Variants in APOL3 observed in about 807,000 individuals in gnomAD.
APOL3 encodes TNF-inducible protein CG12-1.
APOL3 carries 14 observed loss-of-function variants against 11.6 expected under a neutral mutation model. That is an observed-to-expected ratio of 1.21 (90% CI 0.80 to 1.89). APOL3 has a LOEUF of 1.89. Ranked by LOEUF, APOL3 falls within the 40% of genes most tolerant of loss-of-function variation. APOL3 has a pLI of 0.00. For synonymous variants in APOL3, 192 were observed against 190.6 expected, an observed-to-expected ratio of 1.01 and a Z score of -0.06; for missense variants, 483 against 492.1, an observed-to-expected ratio of 0.98 and a Z score of 0.17.
intron 1 of APOL3, among the ~76,000 whole-genome samples, chr22:36,158,810 C>G (rs2013324249): frequency 6.6e-6 from 1 of 151,938 alleles, no homozygotes; most frequent in Non-Finnish European, 1.5e-5. Context: ...GAGCAAGACT[C>G]CGTCAGAAAA....
chr22:36,158,162 T>C, intron 1 of APOL3, among the ~76,000 whole-genome samples: 1 of 152,172 alleles, frequency 6.6e-6, no homozygotes, highest in East Asian at 1.9e-4. Context: ...TTTTGAACCA[T>C]ATATGTAAGT....
In APOL3 at chr22:36,143,837, A is replaced by G. The variant is rs142211472; in HGVS notation, c.350+1636T>C. Among the ~76,000 whole-genome samples the G allele has an allele frequency of 2.4e-3, 365 of 152,330 alleles. 4 individuals carry two copies. The highest frequency in any genetic ancestry group is 5.6e-3 in the Admixed American group (85 of 15,308). On this transcript the variant is annotated intron_variant, in intron 2 of 2. Transcript: ENST00000349314. ...CATGTGCAATTTCATGGAACCTCTT[A>G]TGGACTCATGAGACTTTGAAAATCA...
chr22:36,148,663 G>A (rs141057352), intron 1 of APOL3, among the ~76,000 whole-genome samples: 93 of 152,278 alleles, frequency 6.1e-4, no homozygotes, highest in African/African-American at 2.0e-3. Context: ...GGAGCAGAGC[G>A]GGAGGTCAGA....
intron 1 of APOL3, among the ~76,000 whole-genome samples, 178 bp from the exon 3 acceptor site, chr22:36,145,777 C>T (rs132628): frequency 0.34 from 52,288 of 151,740 alleles, 10,175 homozygotes; most frequent in East Asian, 0.84. Context: ...TACTGAGACC[C>T]TAAACCCCAG....
intron 1 of APOL3, among the ~76,000 whole-genome samples, chr22:36,151,273 G>T (rs1337335882): frequency 6.6e-6 from 1 of 152,118 alleles, no homozygotes; most frequent in East Asian, 1.9e-4. Context: ...AATATGAATA[G>T]ATCTAGGATC....
At chr22:36,150,686 T>G (rs2060399426) in intron 1 of APOL3, among the ~76,000 whole-genome samples, 1 of 152,028 alleles carries the variant, frequency 6.6e-6, no homozygotes, top group Admixed American at 6.6e-5. Flanking sequence ...CTGGCCAACA[T>G]AGTGAAACCC....
chr22:36,161,716 GGCGGAT>G (rs2013705323), upstream of APOL3, among the ~76,000 whole-genome samples: 1 of 152,158 alleles, frequency 6.6e-6, no homozygotes, highest in Non-Finnish European at 1.5e-5. Flanking sequence ...CAAAGTGGGG[GGCGGAT>G]GTGGGAGTAA....
At chr22:36,160,919 A>C (rs1603476037) in exon 1 of APOL3, 4 of 1,598,774 alleles carry the variant, frequency 2.5e-6, no homozygotes, top group East Asian at 2.3e-5. Flanking sequence ...CCTTGGTCCC[A>C]CCCTCCTGCT....
Position 36,157,147 on chromosome 22 carries a change from A to T in APOL3, c.223+3522T>A. ...TTTGTACGAGGAGAAAGAAAAAAGA[A>T]ATTTCTAAAAACACGCGAGCCAGCT... On this transcript the variant is annotated intron_variant, in intron 1 of 2. Coordinates refer to ENST00000349314, the Ensembl canonical transcript of APOL3. 9.8e-6 allele frequency: 4 copies of T among 406,160 alleles called. No individual in the cohort carries two copies. In the East Asian group the frequency reaches 2.9e-4, roughly 29 times the overall value. 25.2% of individuals were successfully genotyped at this position (406,160 alleles called of 1,614,324 possible).
upstream of APOL3, among the ~76,000 whole-genome samples, chr22:36,162,071 G>A (rs1268503264): frequency 6.6e-6 from 1 of 152,186 alleles, no homozygotes; most frequent in Non-Finnish European, 1.5e-5. Context: ...TTTGCTGTTT[G>A]ATCATATAGC....
intron 1 of APOL3, chr22:36,146,213 T>C (rs2146778128): frequency 6.6e-6 from 1 of 152,258 alleles, no homozygotes; most frequent in Non-Finnish European, 1.5e-5. Flanking sequence ...GGCGTTTTAC[T>C]AAGGCATCCT....
intron 1 of APOL3, among the ~76,000 whole-genome samples, chr22:36,152,875 G>A (rs1461238501): frequency 2.0e-5 from 3 of 152,222 alleles, no homozygotes; most frequent in Admixed American, 6.5e-5. Flanking sequence ...TTAGGAAGCT[G>A]AGGTGGGTGG....
At chr22:36,144,885 C>T (rs2060127827) in intron 2 of APOL3, among the ~76,000 whole-genome samples, 1 of 151,614 alleles carries the variant, frequency 6.6e-6, no homozygotes, top group Non-Finnish European at 1.5e-5. Context: ...GTGGCCGGAG[C>T]CTGTAGTCCC....
chr22:36,158,007 G>A (rs549917328), intron 1 of APOL3, among the ~76,000 whole-genome samples: 78 of 152,172 alleles, frequency 5.1e-4, no homozygotes, highest in African/African-American at 1.6e-3. Context: ...CTGAGATTGC[G>A]CCACTGCACT....
intron 1 of APOL3, chr22:36,153,366 G>A (rs775479876): frequency 4.4e-6 from 2 of 455,968 alleles, no homozygotes; most frequent in Non-Finnish European, 8.8e-6. Flanking sequence ...AAATACACCT[G>A]CCTCCTGATG....
chr22:36,151,363 C>T (rs915557825), intron 1 of APOL3, among the ~76,000 whole-genome samples: 18 of 151,786 alleles, frequency 1.2e-4, no homozygotes, highest in Admixed American at 4.6e-4. Flanking sequence ...TGGATGATTG[C>T]GAAAATAGAA....
At chr22:36,155,256 G>A (rs1335638194) in intron 1 of APOL3, among the ~76,000 whole-genome samples, 1 of 152,198 alleles carries the variant, frequency 6.6e-6, no homozygotes, top group African/African-American at 2.4e-5. Flanking sequence ...GGCTTCGGCT[G>A]CATCTGTTTC....
upstream of APOL3, chr22:36,161,641 A>G (rs1313746677): frequency 1.3e-5 from 2 of 152,484 alleles, no homozygotes; most frequent in African/African-American, 4.8e-5. Flanking sequence ...CCACTGCCCC[A>G]TGTTCCACTC....
chr22:36,151,441 A>AT (rs1398463504), intron 1 of APOL3, among the ~76,000 whole-genome samples: 6 of 151,704 alleles, frequency 4.0e-5, no homozygotes, highest in Non-Finnish European at 8.8e-5. Context: ...AAATGAGAAC[A>AT]TTATGTACTG....
Sources: allele counts gnomAD v4.1 joint callset (sites outside exome capture counted in the v4.1 genomes callset), GRCh38; gene constraint gnomAD v4.1.1; transcripts MANE v1.5; gene names NCBI Gene and HGNC (gene_info 2026-07-23, HGNC 2026-07-21).